The following TRABD2A variants were observed in gnomAD, a reference collection of about 807,000 sequenced individuals.
TRABD2A encodes the protein TraB domain containing 2A.
Under a neutral mutation model 45.6 loss-of-function variants are expected in TRABD2A, and 43 were observed. The ratio of observed to expected loss-of-function variants is 0.94; its 90% CI spans 0.74 to 1.22. The LOEUF (loss-of-function observed/expected upper bound fraction) is 1.22. Ranked by LOEUF, TRABD2A falls within the 50% of genes most tolerant of loss-of-function variation. TRABD2A has a pLI of 0.00. For missense variants in TRABD2A, 642 were observed against 652.4 expected (o/e 0.98, Z 0.17); for synonymous variants, 269 against 265.0 (o/e 1.02, Z -0.15).
chr2:84,839,907 G>C (rs917909587), intron 3 of TRABD2A, among the ~76,000 whole-genome samples: 1 of 152,114 alleles, frequency 6.6e-6, no homozygotes, highest in Non-Finnish European at 1.5e-5. Flanking sequence ...CTAATAACAG[G>C]ATGAAAGTGC....
intron 2 of TRABD2A, among the ~76,000 whole-genome samples, chr2:84,864,533 C>T (rs1044781400): frequency 3.3e-5 from 5 of 152,116 alleles, no homozygotes; most frequent in Admixed American, 3.3e-4. Context: ...GGATTAGAAA[C>T]AGGAGATCTG....
At chr2:84,879,810 C>A (rs895640449) in intron 1 of TRABD2A, among the ~76,000 whole-genome samples, 1 of 152,226 alleles carries the variant, frequency 6.6e-6, no homozygotes, top group Non-Finnish European at 1.5e-5. Flanking sequence ...CAGAGGCGAA[C>A]ACCGTGCGTC....
intron 2 of TRABD2A, among the ~76,000 whole-genome samples, chr2:84,845,402 A>G (rs1681853229): frequency 6.6e-6 from 1 of 152,200 alleles, no homozygotes; most frequent in African/African-American, 2.4e-5. Context: ...CATTATAATG[A>G]TTTAAGATAT....
At chr2:84,863,912 T>C (rs1457746905) in intron 2 of TRABD2A, among the ~76,000 whole-genome samples, 1 of 152,198 alleles carries the variant, frequency 6.6e-6, no homozygotes, top group Non-Finnish European at 1.5e-5. Context: ...AAACCAAGAC[T>C]ATCGAGGAAA....
At chr2:84,842,767 T>G (rs1681755265) in intron 2 of TRABD2A, among the ~76,000 whole-genome samples, 2 of 151,810 alleles carry the variant, frequency 1.3e-5, no homozygotes, top group Non-Finnish European at 2.9e-5. Flanking sequence ...TAAACAGGTT[T>G]TAATTTTACA....
chr2:84,852,583 C>CTGT (rs984762066), intron 2 of TRABD2A, among the ~76,000 whole-genome samples: 3 of 152,208 alleles, frequency 2.0e-5, no homozygotes, highest in African/African-American at 7.2e-5. Context: ...TCCTCAGGGG[C>CTGT]TGTTGGCAGG....
At chr2:84,876,784 T>C (rs1235810830) in intron 1 of TRABD2A, among the ~76,000 whole-genome samples, 1 of 152,226 alleles carries the variant, frequency 6.6e-6, no homozygotes, top group Non-Finnish European at 1.5e-5. Context: ...AAAGGCTCTG[T>C]CCAGCTCATC....
At chr2:84,838,890 G>A (rs1013984497) in intron 4 of TRABD2A, among the ~76,000 whole-genome samples, 32 of 152,320 alleles carry the variant, frequency 2.1e-4, no homozygotes, top group African/African-American at 7.0e-4. Flanking sequence ...GGACAAAAAT[G>A]TTTTCCCAGC....
At position 84,839,329 on chromosome 2, in the gene TRABD2A, C is replaced by A. The variant is rs1249609224; in HGVS notation, c.817-6G>T. The A allele has an allele frequency of 1.9e-6, 3 of 1,590,968 alleles. No homozygotes were observed. Among genetic ancestry groups the A allele is most frequent in the Admixed American group, 3.6e-5 (2 of 55,044 alleles). ...GCATTAATAAAATTGGGAACCTCCA[C>A]CAAAATAAAGAGAAAAAAAAATAAG... On this transcript the variant is annotated splice_region_variant and splice_polypyrimidine_tract_variant and intron_variant, in intron 3 of 6. Transcript: ENST00000409520.
intron 1 of TRABD2A, among the ~76,000 whole-genome samples, chr2:84,878,885 AG>A (rs1209376345): frequency 6.6e-6 from 1 of 152,218 alleles, no homozygotes; most frequent in Non-Finnish European, 1.5e-5. Flanking sequence ...CCAATTCCGC[AG>A]GGGGTAAGAC....
intron 1 of TRABD2A, among the ~76,000 whole-genome samples, chr2:84,871,115 A>T (rs1203224750): frequency 6.6e-6 from 1 of 152,194 alleles, no homozygotes; most frequent in Non-Finnish European, 1.5e-5. Context: ...TTTTCAATCA[A>T]AAGGGGATGG....
chr2:84,828,917 T>C (rs897918292), intron 5 of TRABD2A, among the ~76,000 whole-genome samples: 2 of 151,994 alleles, frequency 1.3e-5, no homozygotes, highest in Non-Finnish European at 2.9e-5. Context: ...CAGATTCTGA[T>C]AGAGAGAACT....
intron 5 of TRABD2A, among the ~76,000 whole-genome samples, chr2:84,827,399 C>T (rs1415209047): frequency 6.6e-6 from 1 of 152,218 alleles, no homozygotes; most frequent in Non-Finnish European, 1.5e-5. Flanking sequence ...TATCCTACCT[C>T]ATTGCTGTGA....
intron 2 of TRABD2A, among the ~76,000 whole-genome samples, chr2:84,857,262 G>A (rs1041755565): frequency 1.3e-5 from 2 of 152,166 alleles, no homozygotes; most frequent in East Asian, 1.9e-4. Flanking sequence ...CATCTCCAAG[G>A]CCTAGTAAAT....
Position 84,825,169 on chromosome 2 carries a change from C to T in TRABD2A, c.1083-965G>A, listed in dbSNP as rs17025621. 5.9e-5 allele frequency among the ~76,000 whole-genome samples: 9 copies of T among 152,134 alleles called. No individual in the cohort carries two copies. The South Asian group carries it at 6.2e-4, about 11-fold the overall frequency. On this transcript the variant is annotated intron_variant, in intron 5 of 6. Transcript: ENST00000409520. ...GCCTGAGGAAGGGGAGCAGTGGATG[C>T]GCCATGTCTAGGGCTTTCCTCGTCC... is the stretch of plus-strand genomic sequence containing the variant.
At chr2:84,878,560 G>A (rs1201221666) in intron 1 of TRABD2A, among the ~76,000 whole-genome samples, 5 of 150,924 alleles carry the variant, frequency 3.3e-5, no homozygotes, top group African/African-American at 1.2e-4. Flanking sequence ...GGCAGGAATA[G>A]GAAAGAACAC....
At chr2:84,847,146 G>A (rs72926841) in intron 2 of TRABD2A, among the ~76,000 whole-genome samples, 193 of 152,320 alleles carry the variant, frequency 1.3e-3, no homozygotes, top group African/African-American at 4.4e-3. Context: ...GGGCAGGGCG[G>A]TGCTCCAAGG....
At chr2:84,828,506 A>G (rs535568515) in intron 5 of TRABD2A, among the ~76,000 whole-genome samples, 4 of 151,782 alleles carry the variant, frequency 2.6e-5, no homozygotes, top group African/African-American at 9.7e-5. Context: ...ATTCTCCCCA[A>G]CCCACTTCCC....
intron 4 of TRABD2A, chr2:84,836,986 G>GTTTTTTT (rs57910749): frequency 1.9e-4 from 16 of 85,982 alleles, no homozygotes; most frequent in East Asian, 3.5e-4. Context: ...TAATTTTAGG[G>GTTTTTTT]TTTTTTTTTT....
Sources: allele counts gnomAD v4.1 joint callset (sites outside exome capture counted in the v4.1 genomes callset), GRCh38; gene constraint gnomAD v4.1.1; transcripts MANE v1.5; gene names NCBI Gene and HGNC (gene_info 2026-07-23, HGNC 2026-07-21).